The following SEMA3A variants were observed in gnomAD, a reference collection of about 807,000 sequenced individuals.
SEMA3A encodes the protein semaphorin 3A.
Under a neutral mutation model 97.9 loss-of-function variants are expected in SEMA3A, and 29 were observed. That is an observed-to-expected ratio of 0.30 (90% confidence interval 0.22 to 0.40). The LOEUF is 0.40. Ranked by LOEUF, SEMA3A falls within the 10% of genes least tolerant of loss-of-function variation. SEMA3A has a pLI of 1.00. For missense variants in SEMA3A, 763 were observed against 951.3 expected (o/e 0.80, Z 2.60); for synonymous variants, 321 against 323.7 (o/e 0.99, Z 0.09).
At chr7:84,346,399 G>A (rs1188593348) in intron 2 of SEMA3A, among the ~76,000 whole-genome samples, 2 of 152,072 alleles carry the variant, frequency 1.3e-5, no homozygotes, top group Non-Finnish European at 2.9e-5. Context: ...GAACTGCTTG[G>A]TGCAAGAGGC....
Position 84,060,539 on chromosome 7 carries a change from T to A in SEMA3A, c.473A>T (p.Glu158Val). 3.8e-6 allele frequency: 6 copies of A among 1,593,224 alleles called. No homozygotes were observed. Among genetic ancestry groups the A allele is most frequent in the Non-Finnish European group, 5.1e-6 (6 of 1,172,532 alleles). ...ACGGCCGTTTTCAAAATGTGAGTTC[T>A]CCAGCTTAAAAATATTGTCCTGTGG... ...HHPEDNIFKLENSHFENGRGK... is the reference protein window; with the variant it reads ...HHPEDNIFKLVNSHFENGRGK... Residue 158 changes from glutamate (E) to valine (V), a missense_variant, in exon 5 of 17, where the codon GAG becomes GTG. Around this residue, in one of 2 missense-constraint regions of SEMA3A, gnomAD observed 678 missense variants for 881.3 expected, o/e 0.77. Coordinates refer to ENST00000265362, the MANE Select transcript of SEMA3A (RefSeq NM_006080.3).
intron 5 of SEMA3A, among the ~76,000 whole-genome samples, chr7:84,049,501 T>G (rs1792502460): frequency 6.6e-6 from 1 of 152,070 alleles, no homozygotes; most frequent in Non-Finnish European, 1.5e-5. Context: ...CAACCCAGAG[T>G]ATATGCCATT....
chr7:84,223,322 T>C (rs534608506), intron 3 of SEMA3A, among the ~76,000 whole-genome samples: 1 of 151,982 alleles, frequency 6.6e-6, no homozygotes, highest in African/African-American at 2.4e-5. Flanking sequence ...TGTGTATGCA[T>C]GTAAATGTGT....
At chr7:84,036,787 C>T (rs1056368028) in intron 6 of SEMA3A, among the ~76,000 whole-genome samples, 2 of 151,962 alleles carry the variant, frequency 1.3e-5, no homozygotes, top group Non-Finnish European at 2.9e-5. Flanking sequence ...TACGGACAAC[C>T]ATATGGTCAG....
At chr7:84,261,955 T>C (rs957828083) in intron 3 of SEMA3A, among the ~76,000 whole-genome samples, 7 of 151,802 alleles carry the variant, frequency 4.6e-5, no homozygotes, top group African/African-American at 1.5e-4. Context: ...TTATCTTTTT[T>C]CTTAGAGAGG....
intron 2 of SEMA3A, among the ~76,000 whole-genome samples, chr7:84,307,479 C>A (rs1245033136): frequency 1.3e-5 from 2 of 152,096 alleles, no homozygotes; most frequent in African/African-American, 4.8e-5. Context: ...ATTTGGCAAA[C>A]ATTTTATTCT....
At chr7:84,173,559 CA>C (rs34919422) in intron 1 of SEMA3A, among the ~76,000 whole-genome samples, 8,309 of 80,536 alleles carry the variant, frequency 0.1, 283 homozygotes, top group East Asian at 0.4. Flanking sequence ...AACTCTGTCT[CA>C]AAAAAAAAAA....
intron 11 of SEMA3A, among the ~76,000 whole-genome samples, chr7:84,003,340 A>T (rs561130470): frequency 6.6e-6 from 1 of 152,256 alleles, no homozygotes; most frequent in East Asian, 1.9e-4. Flanking sequence ...CCCAAACACA[A>T]CTTTATCTCT....
intron 2 of SEMA3A, among the ~76,000 whole-genome samples, chr7:84,317,885 G>T (rs866682831): frequency 6.6e-6 from 1 of 151,998 alleles, no homozygotes; most frequent in Non-Finnish European, 1.5e-5. Context: ...ATGATTTAAG[G>T]TATATTTGTT....
chr7:84,328,079 C>A (rs908699098), intron 2 of SEMA3A, among the ~76,000 whole-genome samples: 9 of 151,952 alleles, frequency 5.9e-5, no homozygotes, highest in African/African-American at 1.9e-4. Flanking sequence ...TTTCAATAAT[C>A]AATTTTGTTG....
chr7:84,180,745 A>G (rs1160701349), intron 1 of SEMA3A, among the ~76,000 whole-genome samples: 1 of 152,092 alleles, frequency 6.6e-6, no homozygotes, highest in Non-Finnish European at 1.5e-5. Flanking sequence ...ATGATACACT[A>G]AATCCTAAGT....
intron 2 of SEMA3A, among the ~76,000 whole-genome samples, chr7:84,327,924 A>G (rs974559683): frequency 3.9e-5 from 6 of 152,050 alleles, no homozygotes; most frequent in African/African-American, 1.4e-4. Flanking sequence ...ATTAATGGCA[A>G]CAATATAATG....
intron 1 of SEMA3A, among the ~76,000 whole-genome samples, chr7:84,400,395 G>A (rs941766969): frequency 1.3e-5 from 2 of 152,172 alleles, no homozygotes; most frequent in Non-Finnish European, 2.9e-5. Flanking sequence ...CAAGAAAACA[G>A]ATGGAAGGAA....
At chr7:84,169,195 C>T (rs1291718340) in intron 1 of SEMA3A, among the ~76,000 whole-genome samples, 2 of 150,772 alleles carry the variant, frequency 1.3e-5, no homozygotes, top group African/African-American at 2.4e-5. Flanking sequence ...AAAACATTTC[C>T]CAAAAAAGAG....
At chr7:83,967,999 C>G (rs1220383774) in intron 15 of SEMA3A, among the ~76,000 whole-genome samples, 3 of 152,140 alleles carry the variant, frequency 2.0e-5, no homozygotes, top group Non-Finnish European at 4.4e-5. Context: ...TATAGTCCCC[C>G]TACTGCATGC....
chr7:84,394,088 A>C (rs563768360), intron 1 of SEMA3A, among the ~76,000 whole-genome samples: 1 of 152,204 alleles, frequency 6.6e-6, no homozygotes, highest in East Asian at 1.9e-4. Flanking sequence ...TAAAAATGTG[A>C]TTTCTACAGC....
intron 5 of SEMA3A, among the ~76,000 whole-genome samples, chr7:84,049,191 G>A (rs750417648): frequency 6.6e-6 from 1 of 151,976 alleles, no homozygotes; most frequent in Non-Finnish European, 1.5e-5. Flanking sequence ...CCAGCTATAG[G>A]AAATTACCTC....
chr7:83,967,928 C>T (rs1357491133), intron 15 of SEMA3A, among the ~76,000 whole-genome samples: 2 of 152,028 alleles, frequency 1.3e-5, no homozygotes, highest in African/African-American at 4.8e-5. Context: ...TTTATCATTT[C>T]TTTGTGGTGA....
At chr7:84,237,471 G>C (rs1029150653) in intron 3 of SEMA3A, among the ~76,000 whole-genome samples, 5 of 152,072 alleles carry the variant, frequency 3.3e-5, no homozygotes, top group Admixed American at 1.3e-4. Context: ...GAAGAAGGGA[G>C]AGGAGGAAGG....
Sources: gnomAD v4.1 joint callset for allele counts (sites outside exome capture counted in the v4.1 genomes callset) on GRCh38, gnomAD v4.1.1 for gene constraint, gnomAD v4.1.1 regional missense constraint, MANE v1.5 for transcripts, NCBI Gene and HGNC (gene_info 2026-07-23, HGNC 2026-07-21) for gene names.